The following FKTN variants were observed in gnomAD, a reference collection of about 807,000 sequenced individuals.
The protein encoded by FKTN is ribitol-5-phosphate transferase FKTN.
Under a neutral mutation model 58.6 loss-of-function variants are expected in FKTN, and 47 were observed. The ratio of observed to expected loss-of-function variants is 0.80; its 90% CI spans 0.63 to 1.02. FKTN has a LOEUF of 1.02. Among genes scored for constraint, FKTN ranks in the 50% least tolerant of loss-of-function variants. FKTN has a pLI of 0.00. For synonymous variants in FKTN, 178 were observed against 191.9 expected (o/e 0.93, Z 0.60); for missense variants, 516 against 537.3 (o/e 0.96, Z 0.39).
chr9:105,601,017 C>T (rs141059196), intron 4 of FKTN, 128 bp from the exon 5 acceptor site: 1 of 637,274 alleles, frequency 1.6e-6, no homozygotes, highest in African/African-American at 1.8e-5. Flanking sequence ...TTTTTTAGCA[C>T]AATGATAAGC....
At chr9:105,587,076 G>A (rs1010679172) in intron 3 of FKTN, among the ~76,000 whole-genome samples, 11 of 152,134 alleles carry the variant, frequency 7.2e-5, no homozygotes, top group African/African-American at 2.2e-4. Flanking sequence ...ACAGAAAATC[G>A]TCAAATATTG....
At chr9:105,576,022 C>T (rs1455702544) in intron 3 of FKTN, among the ~76,000 whole-genome samples, 1 of 151,906 alleles carries the variant, frequency 6.6e-6, no homozygotes, top group Non-Finnish European at 1.5e-5. Context: ...CCAGCTGACT[C>T]ACAGATTTGT....
At chr9:105,581,821 TC>T in intron 3 of FKTN, among the ~76,000 whole-genome samples, 1 of 152,324 alleles carries the variant, frequency 6.6e-6, no homozygotes, top group Non-Finnish European at 1.5e-5. Flanking sequence ...TCAGCGAGAT[TC>T]CGTGGGCGTA....
Position 105,638,194 on chromosome 9 carries a change from G to T in FKTN, c.*2930G>T, listed in dbSNP as rs1834176394. 1 of 985,340 alleles carries T rather than the reference G, an allele frequency of 1.0e-6. No individual in the cohort carries two copies. Among genetic ancestry groups the T allele is most frequent in the East Asian group, 1.1e-4 (1 of 8,810 alleles). The allele number at this position is 985,340 out of a possible 1,614,324, so 61.0% of individuals were successfully genotyped here. A position where few individuals can be genotyped will look rare whatever the true frequency, so the allele number is the denominator to read the frequency against. ...TGACTCCTAGTCCAATGTCTGTTTC[G>T]CATCACAACACAGTATCTTTAACAG... On this transcript the variant is annotated 3_prime_UTR_variant, in exon 11 of 11. Coordinates refer to ENST00000357998, the MANE Select transcript of FKTN (RefSeq NM_001079802.2).
At chr9:105,615,433 G>A in intron 8 of FKTN, 26 bp downstream of exon 8, 1 of 1,612,386 alleles carries the variant, frequency 6.2e-7, no homozygotes, top group East Asian at 2.2e-5. Context: ...CTTTCCATTT[G>A]TCTTTCTGTC....
Position 105,624,706 on chromosome 9 carries a change from A to AC in FKTN, c.1172+4650dup, listed in dbSNP as rs919041056. Among the ~76,000 whole-genome samples, 5 of 151,244 alleles carry AC rather than the reference A, an allele frequency of 3.3e-5. 1 individual carries two copies. Among genetic ancestry groups the AC allele is most frequent in the African/African-American group, 4.9e-5 (2 of 41,114 alleles). ...TCAACTGGCTTTTAGTATACATCTA[A>AC]CCCCCTCCCTGTCGTCCCAGTCTCC... On this transcript the variant is annotated intron_variant, in intron 10 of 10. Transcript: ENST00000357998.
intron 10 of FKTN, among the ~76,000 whole-genome samples, chr9:105,620,514 A>G (rs2133221297): frequency 6.6e-6 from 1 of 152,286 alleles, no homozygotes; most frequent in South Asian, 2.1e-4. Flanking sequence ...AGTCCTCAAA[A>G]TAACCTTCAG....
chr9:105,635,245 A>C lies in FKTN; in HGVS notation c.1367A>C (p.Glu456Ala). The C allele has an allele frequency of 2.5e-6, 4 of 1,614,056 alleles. No homozygotes were observed. The highest frequency in any genetic ancestry group is 3.4e-6 in the Non-Finnish European group (4 of 1,179,896). The change falls in exon 11 of 11, where the codon GAG (glutamate) becomes GCG (alanine). Residue 456 changes from glutamate (E) to alanine (A), a missense_variant. Transcript: ENST00000357998. ...NGIWPISEWDEVIQLY is the reference protein window; with the variant it reads ...NGIWPISEWDAVIQLY Reference sequence around the variant, plus strand: ...ATCTGGCCTATTTCTGAGTGGGATGAGGTTATCCAGTTATATTGAGATAGT... The same window carrying C: ...ATCTGGCCTATTTCTGAGTGGGATGCGGTTATCCAGTTATATTGAGATAGT...
chr9:105,593,848 A>G (rs1394367809), intron 3 of FKTN, among the ~76,000 whole-genome samples: 8 of 152,214 alleles, frequency 5.3e-5, no homozygotes, highest in Non-Finnish European at 1.2e-4. Context: ...TGTTCAGGTC[A>G]TTGGTGATCT....
At chr9:105,569,639 A>T (rs571024280) in intron 1 of FKTN, among the ~76,000 whole-genome samples, 1 of 152,120 alleles carries the variant, frequency 6.6e-6, no homozygotes, top group Admixed American at 6.6e-5. Context: ...TCATTGCCAG[A>T]TCTCAGTTCA....
chr9:105,618,116 T>C lies in FKTN; in HGVS notation c.1044+24T>C, dbSNP rs746456728. ...AGGTCAGTAACAAAAGTCGGCTTCA[T>C]TTCATAAGTAACATATCTCACTTGT... On this transcript the variant is annotated intron_variant, in intron 9 of 10. Coordinates refer to ENST00000357998, the MANE Select transcript of FKTN (RefSeq NM_001079802.2). 25 of 1,598,058 alleles carry C rather than the reference T, an allele frequency of 1.6e-5. 1 individual carries two copies. The South Asian group carries it at 2.4e-4, about 15-fold the overall frequency.
chr9:105,575,494 G>A (rs919943412), intron 3 of FKTN, among the ~76,000 whole-genome samples: 46 of 152,120 alleles, frequency 3.0e-4, no homozygotes, highest in African/African-American at 1.1e-3. Flanking sequence ...AGTACCTACT[G>A]GGGAAGTATA....
chr9:105,569,336 A>T (rs1267558367), intron 1 of FKTN, among the ~76,000 whole-genome samples: 1 of 152,176 alleles, frequency 6.6e-6, no homozygotes, highest in Non-Finnish European at 1.5e-5. Flanking sequence ...GCTGCTCTTC[A>T]CTGTAGAAAG....
At chr9:105,611,297 A>T (rs1259807553) in intron 7 of FKTN, among the ~76,000 whole-genome samples, 2 of 152,102 alleles carry the variant, frequency 1.3e-5, no homozygotes, top group South Asian at 2.1e-4. Flanking sequence ...CTTTTTTTAG[A>T]GGTATAGTAA....
intron 6 of FKTN, among the ~76,000 whole-genome samples, 176 bp from the exon 7 acceptor site, chr9:105,607,643 C>T (rs1390319141): frequency 1.3e-5 from 2 of 151,926 alleles, no homozygotes; most frequent in African/African-American, 2.4e-5. Context: ...AGTAGTGGGA[C>T]ACATGTACTG....
chr9:105,608,145 TA>T (rs1486822199), intron 7 of FKTN, among the ~76,000 whole-genome samples, 194 bp downstream of exon 7: 3 of 152,214 alleles, frequency 2.0e-5, no homozygotes, highest in Admixed American at 1.3e-4. Context: ...CTTAAGAAAC[TA>T]TTTTCTAAGT....
chr9:105,564,901 A>G (rs1297291878), intron 1 of FKTN, among the ~76,000 whole-genome samples: 2 of 152,240 alleles, frequency 1.3e-5, no homozygotes. Context: ...CCAGAGAGAA[A>G]GGTCGGGTTA....
intron 1 of FKTN, among the ~76,000 whole-genome samples, chr9:105,558,696 C>T (rs1313997361): frequency 2.0e-5 from 3 of 150,536 alleles, no homozygotes; most frequent in Non-Finnish European, 4.4e-5. Flanking sequence ...GAAGATAGCA[C>T]GTTTCCAGTC....
chr9:105,567,038 C>G (rs980501933), intron 1 of FKTN, among the ~76,000 whole-genome samples: 43 of 152,090 alleles, frequency 2.8e-4, no homozygotes, highest in African/African-American at 1.0e-3. Flanking sequence ...GAACCAACAA[C>G]AAAAGCCACA....
Sources: allele counts gnomAD v4.1 joint callset (sites outside exome capture counted in the v4.1 genomes callset), GRCh38; gene constraint gnomAD v4.1.1; transcripts MANE v1.5; gene names NCBI Gene and HGNC (gene_info 2026-07-23, HGNC 2026-07-21).